DOCK10: variants seen among roughly 807,000 people sequenced by gnomAD.
The protein encoded by DOCK10 is dedicator of cytokinesis protein 10.
Under a neutral mutation model 280.1 loss-of-function variants are expected in DOCK10, and 145 were observed. The observed-to-expected ratio is 0.52, with a 90% CI of 0.45 to 0.59. DOCK10 has a LOEUF of 0.59. Ranked by LOEUF, DOCK10 falls within the 20% of genes least tolerant of loss-of-function variation. DOCK10 has a pLI of 0.00. For missense variants in DOCK10, 2,368 were observed against 2,651.7 expected (o/e 0.89, Z 2.35); for synonymous variants, 915 against 942.2 (o/e 0.97, Z 0.53).
intron 1 of DOCK10, among the ~76,000 whole-genome samples, 185 bp from the exon 2 acceptor site, chr2:224,931,853 A>C (rs950605450): frequency 3.3e-5 from 5 of 152,212 alleles, no homozygotes; most frequent in Non-Finnish European, 7.3e-5. Flanking sequence ...ATTTGAAATA[A>C]TATGAGAAAA....
intron 1 of DOCK10, among the ~76,000 whole-genome samples, chr2:224,951,137 G>T (rs1412037236): frequency 6.6e-6 from 1 of 152,148 alleles, no homozygotes; most frequent in Non-Finnish European, 1.5e-5. Flanking sequence ...CAAGGTATTT[G>T]ACTTATCTCT....
At chr2:225,010,174 A>G (rs1018783413) in intron 1 of DOCK10, among the ~76,000 whole-genome samples, 10 of 152,158 alleles carry the variant, frequency 6.6e-5, no homozygotes, top group Admixed American at 4.6e-4. Flanking sequence ...ATCTGCCAGC[A>G]ACCAAGCCAG....
intron 40 of DOCK10, among the ~76,000 whole-genome samples, chr2:224,801,296 A>AAAC (rs995549623): frequency 1.3e-5 from 2 of 148,754 alleles, no homozygotes; most frequent in African/African-American, 5.2e-5. Flanking sequence ...AAAAAAAAAA[A>AAAC]AAAAAAACAT....
At chr2:224,958,653 A>G (rs1422738571) in intron 1 of DOCK10, among the ~76,000 whole-genome samples, 1 of 152,122 alleles carries the variant, frequency 6.6e-6, no homozygotes, top group Non-Finnish European at 1.5e-5. Context: ...TAAGAAAGCC[A>G]AGTTTTAACC....
At chr2:224,941,715 G>A (rs971646574) in intron 1 of DOCK10, among the ~76,000 whole-genome samples, 2 of 151,976 alleles carry the variant, frequency 1.3e-5, no homozygotes, top group African/African-American at 2.4e-5. Flanking sequence ...GTGGTGGCAT[G>A]CGCCTGCAAT....
intron 1 of DOCK10, among the ~76,000 whole-genome samples, chr2:224,975,466 A>G (rs1705380960): frequency 6.6e-6 from 1 of 152,270 alleles, no homozygotes; most frequent in Non-Finnish European, 1.5e-5. Context: ...GAAATGAAAT[A>G]GAAACATTAG....
At chr2:224,976,974 A>G (rs908649181) in intron 1 of DOCK10, among the ~76,000 whole-genome samples, 1 of 152,220 alleles carries the variant, frequency 6.6e-6, no homozygotes, top group Non-Finnish European at 1.5e-5. Context: ...CAAATTCTGA[A>G]GCACCAACAG....
At chr2:224,853,493 T>A (rs1235676591) in intron 16 of DOCK10, among the ~76,000 whole-genome samples, 1 of 152,230 alleles carries the variant, frequency 6.6e-6, no homozygotes, top group Non-Finnish European at 1.5e-5. Context: ...AAATAATGCA[T>A]ATTCTGATAC....
chr2:224,793,779 A>G (rs1224634899), intron 45 of DOCK10, among the ~76,000 whole-genome samples: 2 of 152,234 alleles, frequency 1.3e-5, no homozygotes, highest in African/African-American at 4.8e-5. Flanking sequence ...TCCTTTTAAA[A>G]TTAAAACTAT....
chr2:224,921,132 T>TAC (rs1701714774), intron 2 of DOCK10, among the ~76,000 whole-genome samples: 1 of 114,224 alleles, frequency 8.8e-6, no homozygotes, highest in Non-Finnish European at 1.7e-5. Context: ...TATATATATA[T>TAC]ATAATGTATA....
At chr2:224,850,700 C>T (rs980754863) in intron 18 of DOCK10, among the ~76,000 whole-genome samples, 2 of 152,030 alleles carry the variant, frequency 1.3e-5, no homozygotes, top group African/African-American at 2.4e-5. Context: ...ATCCTGGGGC[C>T]GCTTCCCCCA....
intron 33 of DOCK10, among the ~76,000 whole-genome samples, chr2:224,806,447 C>A (rs1693401741): frequency 6.6e-6 from 1 of 152,094 alleles, no homozygotes; most frequent in Non-Finnish European, 1.5e-5. Context: ...GACTTTTTTA[C>A]AATGTTGTAG....
chr2:224,930,893 AGTAT>A (rs753317587), intron 2 of DOCK10, among the ~76,000 whole-genome samples: 6 of 152,246 alleles, frequency 3.9e-5, no homozygotes, highest in Non-Finnish European at 8.8e-5. Flanking sequence ...ACAAGGTAAC[AGTAT>A]TTTATGTTTG....
At chr2:224,870,526 G>A (rs1158205370) in intron 11 of DOCK10, among the ~76,000 whole-genome samples, 1 of 152,082 alleles carries the variant, frequency 6.6e-6, no homozygotes, top group Non-Finnish European at 1.5e-5. Flanking sequence ...ATGTCTACCA[G>A]ATGGACTCCT....
chr2:224,998,098 G>A (rs1055507196), intron 1 of DOCK10, among the ~76,000 whole-genome samples: 4 of 152,086 alleles, frequency 2.6e-5, no homozygotes, highest in Non-Finnish European at 5.9e-5. Context: ...CCCGTATTTC[G>A]ATTTCTAGTG....
At chr2:224,986,029 C>A (rs149134426) in intron 1 of DOCK10, among the ~76,000 whole-genome samples, 1 of 152,076 alleles carries the variant, frequency 6.6e-6, no homozygotes, top group Non-Finnish European at 1.5e-5. Context: ...CTGTTTTGAC[C>A]GTGTCAAATT....
intron 1 of DOCK10, among the ~76,000 whole-genome samples, chr2:224,960,823 TC>T (rs1282678470): frequency 7.5e-6 from 1 of 133,350 alleles, no homozygotes; most frequent in East Asian, 2.5e-4. Context: ...CACTGCAAGC[TC>T]CGCCTCCCGG....
At chr2:224,909,273 T>C (rs1700862051) in intron 3 of DOCK10, among the ~76,000 whole-genome samples, 1 of 152,256 alleles carries the variant, frequency 6.6e-6, no homozygotes, top group Non-Finnish European at 1.5e-5. Flanking sequence ...GGTGCTTGTT[T>C]TATCACGGAA....
chr2:224,812,426 C>T (rs1693843916), intron 31 of DOCK10, among the ~76,000 whole-genome samples: 1 of 152,200 alleles, frequency 6.6e-6, no homozygotes, highest in Non-Finnish European at 1.5e-5. Flanking sequence ...ATCATGTCAA[C>T]TGCAAACAGG....
Sources: allele counts gnomAD v4.1 joint callset (sites outside exome capture counted in the v4.1 genomes callset), GRCh38; gene constraint gnomAD v4.1.1; transcripts MANE v1.5; gene names NCBI Gene and HGNC (gene_info 2026-07-23, HGNC 2026-07-21).